Variants in TMED5 observed in about 807,000 individuals in gnomAD.
TMED5 encodes the protein transmembrane p24 trafficking protein 5, also known as transmembrane emp24 domain-containing protein 5.
Under a neutral mutation model 23.0 loss-of-function variants are expected in TMED5, and 27 were observed. That is an observed-to-expected ratio of 1.17 (90% CI 0.86 to 1.62). The LOEUF is 1.62. Among genes scored for constraint, TMED5 ranks in the 40% most tolerant of loss-of-function variants. The pLI is 0.00. For synonymous variants in TMED5, 97 were observed against 100.8 expected (o/e 0.96, Z 0.23); for missense variants, 248 against 273.7 (o/e 0.91, Z 0.66).
intron 1 of TMED5, among the ~76,000 whole-genome samples, chr1:93,173,788 C>G (rs1571283755): frequency 6.6e-6 from 1 of 152,030 alleles, no homozygotes; most frequent in East Asian, 1.9e-4. Flanking sequence ...GTTTGTTTAC[C>G]TATTGGTAAA....
In TMED5 at chr1:93,153,483, C is replaced by T. The variant is rs1453911538; in HGVS notation, c.*1187G>A. ...TACAAAAATAATTCAAACCAGAATT[C>T]TTGTAGAAAATAAAAACCTACAGCC... On this transcript the variant is annotated 3_prime_UTR_variant, in exon 4 of 4. Coordinates refer to ENST00000370282, the MANE Select transcript of TMED5 (RefSeq NM_016040.5). 1 of 152,032 alleles carries T rather than the reference C, an allele frequency of 6.6e-6. No individual in the cohort carries two copies. Among genetic ancestry groups the T allele is most frequent in the Non-Finnish European group, 1.5e-5 (1 of 67,940 alleles). The allele number at this position is 152,032 out of a possible 1,614,324, so 9.4% of individuals were successfully genotyped here. A position where few individuals can be genotyped will look rare whatever the true frequency, so the allele number is the denominator to read the frequency against.
At chr1:93,175,834 TAAA>T (rs1390828058) in intron 1 of TMED5, among the ~76,000 whole-genome samples, 1 of 152,202 alleles carries the variant, frequency 6.6e-6, no homozygotes, top group Non-Finnish European at 1.5e-5. Flanking sequence ...ATTATGCCCT[TAAA>T]AAAGTATTGT....
intron 1 of TMED5, among the ~76,000 whole-genome samples, chr1:93,171,285 C>T (rs570122340): frequency 2.0e-5 from 3 of 152,122 alleles, no homozygotes; most frequent in African/African-American, 2.4e-5. Flanking sequence ...GAAGAAACTC[C>T]GAACACATCC....
intron 1 of TMED5, among the ~76,000 whole-genome samples, chr1:93,177,816 G>T (rs1648972284): frequency 6.6e-6 from 1 of 151,994 alleles, no homozygotes; most frequent in South Asian, 2.1e-4. Flanking sequence ...TCAACTCTAT[G>T]ATGTAGTTAC....
Position 93,180,163 on chromosome 1 carries a change from C to G in TMED5, c.80G>C (p.Gly27Ala), listed in dbSNP as rs372037546. 3.2e-5 allele frequency: 52 copies of G among 1,613,090 alleles called. No individual in the cohort carries two copies. Among genetic ancestry groups the G allele is most frequent in the Non-Finnish European group, 4.3e-5 (51 of 1,179,666 alleles). The change falls in exon 1 of 4, where the codon GGC becomes GCC. Residue 27 changes from glycine (G) to alanine (A), a missense_variant. Coordinates refer to ENST00000370282, the MANE Select transcript of TMED5 (RefSeq NM_016040.5). Reference sequence around the variant, plus strand: ...GTCGCTATCGAGGGAAGGTGTGAAGCCGGCCGCCCCAGGCAGCAGCACCGG... The same window carrying G: ...GTCGCTATCGAGGGAAGGTGTGAAGGCGGCCGCCCCAGGCAGCAGCACCGG... ...LPPVLLPGAA[G>A]FTPSLDSDFT...
chr1:93,171,649 A>C (rs369785211), intron 1 of TMED5, among the ~76,000 whole-genome samples: 81 of 152,362 alleles, frequency 5.3e-4, no homozygotes, highest in South Asian at 2.3e-3. Context: ...AAATGAAACC[A>C]ATTCTCTAAA....
chr1:93,176,090 T>C (rs111583931), intron 1 of TMED5, among the ~76,000 whole-genome samples: 177 of 152,328 alleles, frequency 1.2e-3, no homozygotes, highest in African/African-American at 4.1e-3. Context: ...GGCGTATTAC[T>C]GGTCTCTGCA....
intron 3 of TMED5, 101 bp from the exon 4 acceptor site, chr1:93,154,989 G>A: frequency 1.2e-6 from 1 of 837,696 alleles, no homozygotes; most frequent in South Asian, 1.8e-5. Flanking sequence ...TTGTAATCCT[G>A]GAACTTTGGG....
intron 1 of TMED5, chr1:93,160,450 G>C (rs1466004809): frequency 5.1e-6 from 2 of 390,810 alleles, no homozygotes; most frequent in Non-Finnish European, 9.3e-6. Flanking sequence ...CCTAAATTTA[G>C]GCCTTATGGA....
At position 93,154,160 on chromosome 1, in the gene TMED5, A is replaced by G. The variant is rs1571268062; in HGVS notation, c.*510T>C. 5 of 154,124 alleles carry G rather than the reference A, an allele frequency of 3.2e-5. No individual in the cohort carries two copies. The East Asian group carries it at 7.7e-4, about 24-fold the overall frequency. The allele number at this position is 154,124 out of a possible 1,614,324, so 9.5% of individuals were successfully genotyped here. The stretch of plus-strand genomic sequence containing the variant: ...AAAGCTATTATTCTATTTACATTAT[A>G]GGAGAGATGCATATGTAAATAGAGA... On this transcript the variant is annotated 3_prime_UTR_variant, in exon 4 of 4. Coordinates refer to ENST00000370282, the MANE Select transcript of TMED5 (RefSeq NM_016040.5).
chr1:93,154,913 TTA>T, intron 3 of TMED5, 25 bp from the exon 4 acceptor site: 6 of 1,479,890 alleles, frequency 4.1e-6, no homozygotes, highest in Non-Finnish European at 5.6e-6. Flanking sequence ...AATAATTTTA[TTA>T]TTAAAGAATG....
Position 93,156,404 on chromosome 1 carries a change from C to A in TMED5, c.367G>T (p.Glu123Ter), listed in dbSNP as rs750701248. ...STISEKVIFF[E>*]LILDNMGEQA... Reference sequence around the variant, plus strand: ...TCTCCCATATTATCCAGGATTAATTCAAAGAAAATCACCTTCTCAGAAATG... The same window carrying A: ...TCTCCCATATTATCCAGGATTAATTAAAAGAAAATCACCTTCTCAGAAATG... The change falls in exon 3 of 4, where the codon GAA (glutamate) becomes TAA (stop). Residue 123 changes from glutamate to a stop codon, truncating the protein, a stop_gained. Coordinates refer to ENST00000370282, the MANE Select transcript of TMED5 (RefSeq NM_016040.5). LOFTEE classifies it high-confidence loss of function. The A allele has an allele frequency of 1.9e-6, 3 of 1,613,832 alleles. No homozygotes were observed. Among genetic ancestry groups the A allele is most frequent in the South Asian group, 1.1e-5 (1 of 91,074 alleles).
chr1:93,157,601 A>G (rs1430962237), intron 2 of TMED5, among the ~76,000 whole-genome samples: 2 of 152,088 alleles, frequency 1.3e-5, no homozygotes, highest in Non-Finnish European at 2.9e-5. Flanking sequence ...CTGTAGTCCT[A>G]GCTACTCGGG....
At chr1:93,179,768 CAA>C (rs1466080363) in intron 1 of TMED5, among the ~76,000 whole-genome samples, 6 of 152,254 alleles carry the variant, frequency 3.9e-5, no homozygotes, top group Admixed American at 3.9e-4. Context: ...AATTAGGAAA[CAA>C]AGAGAAAAGC....
chr1:93,153,391 T>C lies in TMED5; in HGVS notation c.*1279A>G, dbSNP rs1428035633. On this transcript the variant is annotated 3_prime_UTR_variant, in exon 4 of 4. Transcript: ENST00000370282. ...ATAAAAGTTGTTATAATAAAAATTTTTAATAAATATGTACACCCAGTGCTA... is the reference window on the plus strand; with the variant it reads ...ATAAAAGTTGTTATAATAAAAATTTCTAATAAATATGTACACCCAGTGCTA... The C allele has an allele frequency of 2.6e-5, 4 of 152,134 alleles. No homozygotes were observed. The highest frequency in any genetic ancestry group is 1.5e-5 in the Non-Finnish European group (1 of 67,968). 9.4% of individuals were successfully genotyped at this position (152,134 alleles called of 1,614,324 possible).
chr1:93,160,957 A>G (rs1648254841), intron 1 of TMED5: 1 of 152,108 alleles, frequency 6.6e-6, no homozygotes, highest in Admixed American at 6.6e-5. Flanking sequence ...CAAGACCACC[A>G]TGGTGTGGAC....
chr1:93,159,355 T>G (rs2101132103), intron 2 of TMED5, among the ~76,000 whole-genome samples: 1 of 152,218 alleles, frequency 6.6e-6, no homozygotes, highest in African/African-American at 2.4e-5. Flanking sequence ...AAAGATTAAT[T>G]TAGAAGCCTA....
Position 93,153,851 on chromosome 1 carries a change from T to G in TMED5, c.*819A>C, listed in dbSNP as rs1053305354. 40 of 152,292 alleles carry G rather than the reference T, an allele frequency of 2.6e-4. No homozygotes were observed. Among genetic ancestry groups the G allele is most frequent in the African/African-American group, 9.4e-4 (39 of 41,584 alleles). 9.4% of individuals were successfully genotyped at this position (152,292 alleles called of 1,614,324 possible). On this transcript the variant is annotated 3_prime_UTR_variant, in exon 4 of 4. Transcript: ENST00000370282. The stretch of plus-strand genomic sequence containing the variant: ...CAGATATTAACTTGACAGATACTAT[T>G]AAAAATAAACTTATTTTACCTCACA...
At chr1:93,178,922 A>G (rs1300524563) in intron 1 of TMED5, among the ~76,000 whole-genome samples, 1 of 152,222 alleles carries the variant, frequency 6.6e-6, no homozygotes. Flanking sequence ...GAAACACATC[A>G]ATGCCTTTTC....
Sources: allele counts gnomAD v4.1 joint callset (sites outside exome capture counted in the v4.1 genomes callset), GRCh38; gene constraint gnomAD v4.1.1; transcripts MANE v1.5; gene names NCBI Gene and HGNC (gene_info 2026-07-23, HGNC 2026-07-21).